TRMT44: variants seen among roughly 807,000 people sequenced by gnomAD.
The protein encoded by TRMT44 is probable tRNA (uracil-O(2)-)-methyltransferase.
In TRMT44, 78 loss-of-function variants were observed where a neutral mutation model predicts 77.3. The ratio of observed to expected loss-of-function variants is 1.01; its 90% CI spans 0.84 to 1.22. The LOEUF is 1.22. Among genes scored for constraint, TRMT44 ranks in the 50% most tolerant of loss-of-function variants. TRMT44 has a pLI of 0.00. For synonymous variants in TRMT44, 391 were observed against 383.3 expected (o/e 1.02, Z -0.23); for missense variants, 1,090 against 964.4 (o/e 1.13, Z -1.73).
intron 5 of TRMT44, 102 bp downstream of exon 5, chr4:8,453,091 T>G: frequency 1.6e-6 from 1 of 638,736 alleles, no homozygotes. Context: ...CAGCCTGGAT[T>G]TGGAGTCAGC....
In TRMT44 at chr4:8,464,104, G is replaced by A. The variant is rs1726361565; in HGVS notation, c.1310+13G>A. 1 of 1,606,104 alleles carries A rather than the reference G, an allele frequency of 6.2e-7. No individual in the cohort carries two copies. The highest frequency in any genetic ancestry group is 8.5e-7 in the Non-Finnish European group (1 of 1,173,340). The stretch of plus-strand genomic sequence containing the variant: ...TCATTGCAGCCAGGTGAGAAGTAGA[G>A]GAGTTATCAGGTGAATGGCTGGGGA... On this transcript the variant is annotated intron_variant, in intron 7 of 10. Coordinates refer to ENST00000389737, the MANE Select transcript of TRMT44 (RefSeq NM_152544.3).
chr4:8,450,758 C>T (rs928038285), intron 3 of TRMT44, among the ~76,000 whole-genome samples: 10 of 151,032 alleles, frequency 6.6e-5, no homozygotes, highest in Admixed American at 3.3e-4. Context: ...TCTTCCTCCC[C>T]GTCCTAGGAG....
chr4:8,501,444 C>T, the TRMT44 span, among the ~76,000 whole-genome samples: 1 of 152,314 alleles, frequency 6.6e-6, no homozygotes, highest in East Asian at 1.9e-4. This position sits in a 1 kb window ranked among gnomAD's most constrained non-coding sequence, Gnocchi z 4.4. Flanking sequence ...GGAAGTCACT[C>T]AACTTCCTGT....
In TRMT44 at chr4:8,483,420, G is replaced by T. The variant is rs893099557; in HGVS notation, n.3891+3887G>T. Among the ~76,000 whole-genome samples, 13 of 151,852 alleles carry T rather than the reference G, an allele frequency of 8.6e-5. 1 individual carries two copies. The highest frequency in any genetic ancestry group is 1.2e-4 in the Non-Finnish European group (8 of 67,976). On this transcript the variant is annotated intron_variant and non_coding_transcript_variant, in intron 2 of 2. Transcript: ENST00000511366. Reference sequence around the variant, plus strand: ...TAGTAGGGTTGACAAGTTTTTTTGGGGGGGGGCACGGTCTAAGTTGGTCTG... The same window carrying T: ...TAGTAGGGTTGACAAGTTTTTTTGGTGGGGGGCACGGTCTAAGTTGGTCTG...
At chr4:8,464,708 T>G (rs985799510) in intron 7 of TRMT44, among the ~76,000 whole-genome samples, 2 of 152,234 alleles carry the variant, frequency 1.3e-5, no homozygotes, top group African/African-American at 2.4e-5. Context: ...GCTGACGTCT[T>G]AAAGTACTTC....
chr4:8,454,968 AAG>A (rs1725709031), intron 6 of TRMT44, 155 bp downstream of exon 6: 2 of 736,432 alleles, frequency 2.7e-6, no homozygotes, highest in Non-Finnish European at 4.6e-6. Flanking sequence ...AGAAGAGAAA[AAG>A]AGACATGAAA....
chr4:8,495,943 A>T (rs2109242523), downstream of TRMT44, among the ~76,000 whole-genome samples: 1 of 152,306 alleles, frequency 6.6e-6, no homozygotes, highest in East Asian at 1.9e-4. Context: ...GGCGGGGCCT[A>T]TTCATTCTGA....
At chr4:8,512,190 C>T in the TRMT44 span, 1 of 152,102 alleles carries the variant, frequency 6.6e-6, no homozygotes, top group Non-Finnish European at 1.5e-5. Context: ...CCTCAGCCTC[C>T]TGAGTAGCTG....
intron 10 of TRMT44, 102 bp downstream of exon 10, chr4:8,471,302 C>T (rs1266261824): frequency 6.1e-6 from 5 of 819,984 alleles, no homozygotes; most frequent in Middle Eastern, 2.4e-4. Flanking sequence ...ACTGAAGAAT[C>T]TGACAGAAGC....
At position 8,489,195 on chromosome 4, in the gene TRMT44, G is replaced by T. The variant is rs571003233; in HGVS notation, n.3892-4071G>T. The stretch of plus-strand genomic sequence containing the variant: ...CACTGTTTCGCTTGAAGGCCCTGGG[G>T]CTGTCATTGCATGGGATCACATTCA... On this transcript the variant is annotated intron_variant and non_coding_transcript_variant, in intron 2 of 2. Transcript: ENST00000511366. Among the ~76,000 whole-genome samples, 138 of 152,332 alleles carry T rather than the reference G, an allele frequency of 9.1e-4. 1 individual carries two copies. In the South Asian group the frequency reaches 0.018, roughly 20 times the overall value.
intron 8 of TRMT44, 54 bp downstream of exon 8, chr4:8,465,615 G>A (rs1726488516): frequency 6.7e-7 from 1 of 1,481,736 alleles, no homozygotes; most frequent in Non-Finnish European, 9.2e-7. Flanking sequence ...CAGATGGAGA[G>A]CTCAGGGCTC....
chr4:8,503,701 G>A, the TRMT44 span, among the ~76,000 whole-genome samples: 1 of 152,322 alleles, frequency 6.6e-6, no homozygotes, highest in East Asian at 1.9e-4. Context: ...CTTCTCTTGG[G>A]AACAGAATTC....
chr4:8,455,102 C>T (rs1725717862), intron 6 of TRMT44, among the ~76,000 whole-genome samples: 1 of 152,200 alleles, frequency 6.6e-6, no homozygotes, highest in South Asian at 2.1e-4. Context: ...TCCCGTGCAG[C>T]CTTGAGGTGG....
At chr4:8,483,735 G>A (rs139652778) in intron 2 of TRMT44, among the ~76,000 whole-genome samples, 230 of 152,314 alleles carry the variant, frequency 1.5e-3, no homozygotes, top group Non-Finnish European at 2.7e-3. Flanking sequence ...ATAAAGGCTG[G>A]TCTGCTATTG....
At chr4:8,500,239 C>A in the TRMT44 span, among the ~76,000 whole-genome samples, 1 of 152,014 alleles carries the variant, frequency 6.6e-6, no homozygotes, top group Non-Finnish European at 1.5e-5. Flanking sequence ...TGCCTATAAT[C>A]CCTGCACTTC....
In TRMT44 at chr4:8,440,873, A is replaced by G. The variant is rs895392489; in HGVS notation, c.51A>G (p.Pro17=). The G allele has an allele frequency of 3.9e-5, 60 of 1,524,116 alleles. No homozygotes were observed. Among genetic ancestry groups the G allele is most frequent in the Non-Finnish European group, 4.9e-5 (56 of 1,142,732 alleles). The allele number at this position is 1,524,116 out of a possible 1,614,324, so 94.4% of individuals were successfully genotyped here. The part of the protein sequence containing the change: ...TGISYPGALL[P]QGFWAAVEVW... ...TCAGCTACCCAGGCGCGCTTCTCCC[A>G]CAGGGCTTCTGGGCTGCGGTCGAAG... Residue 17 remains proline (P), a synonymous_variant, in exon 1 of 11, where the codon CCA becomes CCG. Transcript: ENST00000389737.
chr4:8,483,343 G>A (rs1177237366), intron 2 of TRMT44, among the ~76,000 whole-genome samples: 1 of 151,976 alleles, frequency 6.6e-6, no homozygotes, highest in African/African-American at 2.4e-5. Context: ...ACAAGAGCAG[G>A]GCATGTATGA....
intron 7 of TRMT44, among the ~76,000 whole-genome samples, chr4:8,464,346 G>T (rs904841842): frequency 1.3e-5 from 2 of 152,142 alleles, no homozygotes; most frequent in Non-Finnish European, 2.9e-5. Context: ...TTATATCTCT[G>T]TTGGCCAGCA....
At chr4:8,498,622 G>A in the TRMT44 span, among the ~76,000 whole-genome samples, 1 of 152,188 alleles carries the variant, frequency 6.6e-6, no homozygotes, top group African/African-American at 2.4e-5. This position sits in a 1 kb window ranked among gnomAD's most constrained non-coding sequence, Gnocchi z 4.3. Context: ...TTGATAAAAT[G>A]CGGTGTCTCC....
Sources: allele counts gnomAD v4.1 joint callset (sites outside exome capture counted in the v4.1 genomes callset), GRCh38; gene constraint gnomAD v4.1.1; non-coding constraint Gnocchi (gnomAD v3.1); transcripts MANE v1.5; gene names NCBI Gene and HGNC (gene_info 2026-07-23, HGNC 2026-07-21).